The following SOBP variants were observed in gnomAD, a reference collection of about 807,000 sequenced individuals.
The protein encoded by SOBP is sine oculis binding protein homolog.
A neutral mutation model predicts 53.6 loss-of-function variants in SOBP; 4 were observed. That is an observed-to-expected ratio of 0.07 (90% CI 0.04 to 0.17). The LOEUF (loss-of-function observed/expected upper bound fraction) is 0.17. Among genes scored for constraint, SOBP ranks in the 10% least tolerant of loss-of-function variants. The pLI is 1.00. For missense variants in SOBP, 1,088 were observed against 1,204.7 expected (o/e 0.90, Z 1.43); for synonymous variants, 584 against 522.6 (o/e 1.12, Z -1.60).
chr6:107,595,327 T>A (rs1785906623), intron 5 of SOBP, among the ~76,000 whole-genome samples: 1 of 148,970 alleles, frequency 6.7e-6, no homozygotes, highest in African/African-American at 2.5e-5. Context: ...TTTTTAAAAG[T>A]CTGACTGCTA....
At chr6:107,565,971 T>C (rs1400261111) in intron 4 of SOBP, among the ~76,000 whole-genome samples, 1 of 152,264 alleles carries the variant, frequency 6.6e-6, no homozygotes, top group East Asian at 1.9e-4. Flanking sequence ...TGTCAGCTTA[T>C]GTGTACAAAC....
At chr6:107,600,632 G>A (rs1786143953) in intron 5 of SOBP, among the ~76,000 whole-genome samples, 1 of 152,190 alleles carries the variant, frequency 6.6e-6, no homozygotes, top group Admixed American at 6.5e-5. Flanking sequence ...GATGGTTGGA[G>A]CTGAAGCCTG....
At chr6:107,654,221 G>T (rs767963705) in intron 6 of SOBP, among the ~76,000 whole-genome samples, 6 of 152,238 alleles carry the variant, frequency 3.9e-5, no homozygotes, top group African/African-American at 1.2e-4. Flanking sequence ...CAGCGTGTGT[G>T]TATGGTACAT....
chr6:107,530,267 T>G (rs772703449), intron 3 of SOBP, among the ~76,000 whole-genome samples: 12 of 152,210 alleles, frequency 7.9e-5, no homozygotes, highest in African/African-American at 2.9e-4. Context: ...TGCTGAAACC[T>G]TCTATTTTGC....
rs1305241677 is a variant in SOBP, at chr6:107,635,299, C to T, written c.2455C>T (p.Arg819Trp). 6.2e-7 allele frequency: 1 copy of T among 1,613,768 alleles called. No homozygotes were observed. Among genetic ancestry groups the T allele is most frequent in the Admixed American group, 1.7e-5 (1 of 60,004 alleles). ...PADEDHAYAL[R>W]MLPKTGCVIQ... ...GGACGAGGACCATGCCTATGCTCTG[C>T]GGATGCTGCCCAAGACCGGCTGCGT... Residue 819 changes from arginine to tryptophan, a missense_variant, in exon 6 of 7, where the codon CGG (arginine) becomes TGG (tryptophan). Physicochemically the swap from Arg to Trp is moderately radical, Grantham distance 101. This residue lies in a region of SOBP where 665 missense variants were observed against 629.7 expected (regional missense o/e 1.06). Transcript: ENST00000317357. This position sits in a 1 kb window ranked among gnomAD's most constrained non-coding sequence, Gnocchi z 4.5.
chr6:107,569,276 A>G (rs1292417869), intron 4 of SOBP, among the ~76,000 whole-genome samples: 1 of 152,168 alleles, frequency 6.6e-6, no homozygotes, highest in Non-Finnish European at 1.5e-5. Context: ...AAAAATAACA[A>G]TTTCATCACT....
Position 107,661,134 on chromosome 6 carries a change from T to G in SOBP, c.*2931T>G, listed in dbSNP as rs1772277694. ...TAGTCCAAGATTGTCAAGCAAACAT[T>G]TTGACCCTTCTGGAAACAAAAGGTA... On this transcript the variant is annotated 3_prime_UTR_variant, in exon 7 of 7. Transcript: ENST00000317357. Among the ~76,000 whole-genome samples, 1 of 152,174 alleles carries G rather than the reference T, an allele frequency of 6.6e-6. No individual in the cohort carries two copies. Among genetic ancestry groups the G allele is most frequent in the Non-Finnish European group, 1.5e-5 (1 of 68,024 alleles).
intron 6 of SOBP, among the ~76,000 whole-genome samples, chr6:107,643,583 A>AT (rs1055603344): frequency 3.3e-5 from 5 of 150,616 alleles, no homozygotes; most frequent in South Asian, 2.1e-4. Flanking sequence ...TGTCCAGCTA[A>AT]TTTTTTTTTG....
At chr6:107,648,197 T>G (rs1771640798) in intron 6 of SOBP, among the ~76,000 whole-genome samples, 1 of 152,220 alleles carries the variant, frequency 6.6e-6, no homozygotes, top group South Asian at 2.1e-4. Flanking sequence ...CCTCTGTTCA[T>G]ATAACATAGA....
At chr6:107,493,927 C>T (rs939487872) in intron 1 of SOBP, among the ~76,000 whole-genome samples, 6 of 152,164 alleles carry the variant, frequency 3.9e-5, no homozygotes, top group African/African-American at 1.4e-4. Flanking sequence ...GTTTAATGTA[C>T]ATGGCAGTTG....
chr6:107,626,142 T>C (rs559375479), intron 5 of SOBP, among the ~76,000 whole-genome samples: 10 of 152,258 alleles, frequency 6.6e-5, no homozygotes, highest in African/African-American at 2.4e-4. Flanking sequence ...AGATAATACA[T>C]TTTAAAAAAA....
intron 5 of SOBP, among the ~76,000 whole-genome samples, chr6:107,632,302 G>T (rs1219830090): frequency 1.3e-5 from 2 of 151,438 alleles, no homozygotes; most frequent in African/African-American, 4.9e-5. Context: ...GCTATATATG[G>T]CTTGAGTGCT....
intron 4 of SOBP, among the ~76,000 whole-genome samples, chr6:107,545,186 G>A (rs890883795): frequency 6.6e-6 from 1 of 152,102 alleles, no homozygotes; most frequent in African/African-American, 2.4e-5. Context: ...TTTTTGCGGG[G>A]AAGAGCCACA....
chr6:107,594,692 T>A (rs953653097), intron 5 of SOBP, among the ~76,000 whole-genome samples: 9 of 152,202 alleles, frequency 5.9e-5, no homozygotes, highest in Non-Finnish European at 8.8e-5. Context: ...AGACAAGAAA[T>A]CCTCCTTTGT....
chr6:107,547,883 G>T (rs758969718), intron 4 of SOBP, among the ~76,000 whole-genome samples: 26 of 152,140 alleles, frequency 1.7e-4, no homozygotes, highest in South Asian at 2.1e-4. Context: ...GGGTTTCTGG[G>T]TTGGGAAAAC....
chr6:107,614,431 G>A (rs749993094), intron 5 of SOBP, among the ~76,000 whole-genome samples: 4 of 152,124 alleles, frequency 2.6e-5, no homozygotes, highest in Admixed American at 6.5e-5. Context: ...GGACAAAAAG[G>A]CCAGGGAGCA....
At chr6:107,573,958 G>A (rs976879594) in intron 4 of SOBP, among the ~76,000 whole-genome samples, 1 of 152,102 alleles carries the variant, frequency 6.6e-6, no homozygotes. Context: ...CATTTTAGGC[G>A]CTTCATTATT....
intron 4 of SOBP, among the ~76,000 whole-genome samples, chr6:107,586,518 CTTTT>C (rs5742433): frequency 6.9e-6 from 1 of 145,858 alleles, no homozygotes. Flanking sequence ...TAAATTAAAT[CTTTT>C]TTTTTTTTTT....
intron 4 of SOBP, among the ~76,000 whole-genome samples, chr6:107,556,898 AC>A (rs1784626670): frequency 6.6e-6 from 1 of 152,262 alleles, no homozygotes; most frequent in Non-Finnish European, 1.5e-5. Flanking sequence ...TTGGGTCCAA[AC>A]TAAAACTGTG....
Sources: allele counts gnomAD v4.1 joint callset (sites outside exome capture counted in the v4.1 genomes callset), GRCh38; gene constraint gnomAD v4.1.1; regional missense constraint gnomAD v4.1.1; non-coding constraint Gnocchi (gnomAD v3.1); transcripts MANE v1.5; gene names NCBI Gene and HGNC (gene_info 2026-07-23, HGNC 2026-07-21).